The following NEDD9 variants were observed in gnomAD, a reference collection of about 807,000 sequenced individuals.
NEDD9 encodes the protein enhancer of filamentation 1.
NEDD9 carries 26 observed loss-of-function variants against 76.6 expected under a neutral mutation model. The ratio of observed to expected loss-of-function variants is 0.34; its 90% CI spans 0.25 to 0.47. NEDD9 has a LOEUF of 0.47. Among genes scored for constraint, NEDD9 ranks in the 20% least tolerant of loss-of-function variants. The pLI, the probability that NEDD9 is intolerant of heterozygous loss-of-function variation, is 1.00. For missense variants in NEDD9, 937 were observed against 1,058.5 expected (o/e 0.89, Z 1.59); for synonymous variants, 392 against 414.2 (o/e 0.95, Z 0.65).
chr6:11,285,161 A>G (rs1404779858), intron 3 of NEDD9, among the ~76,000 whole-genome samples: 1 of 152,194 alleles, frequency 6.6e-6, no homozygotes, highest in Non-Finnish European at 1.5e-5. Flanking sequence ...TGTTGCTGTA[A>G]GAAGCCTAAG....
At chr6:11,216,544 C>G (rs1758960412) in intron 1 of NEDD9, among the ~76,000 whole-genome samples, 1 of 152,222 alleles carries the variant, frequency 6.6e-6, no homozygotes, top group African/African-American at 2.4e-5. Flanking sequence ...TTAGCTCAGC[C>G]ACGCAGCATC....
rs1412593722 is a variant in NEDD9, at chr6:11,306,184, T to C, written c.-152-29A>G. On this transcript the variant is annotated intron_variant, in intron 2 of 3. Coordinates refer to the NEDD9 transcript ENST00000397378. The stretch of plus-strand genomic sequence containing the variant: ...AAAACAGGAGATAGAGATGGAAAGG[T>C]TGGTAAGATCTGAAAAAAATTGAGA... The C allele has an allele frequency of 5.4e-6, 4 of 735,514 alleles. No individual in the cohort carries two copies. The African/African-American group carries it at 7.0e-5, about 13-fold the overall frequency. 45.6% of individuals were successfully genotyped at this position (735,514 alleles called of 1,614,324 possible).
At chr6:11,253,489 C>T (rs915823581) in intron 3 of NEDD9, among the ~76,000 whole-genome samples, 4 of 152,244 alleles carry the variant, frequency 2.6e-5, no homozygotes, top group African/African-American at 9.6e-5. Flanking sequence ...TTTCCCTGCA[C>T]AACCCCGTGC....
chr6:11,221,291 G>A (rs939668072), intron 1 of NEDD9, among the ~76,000 whole-genome samples: 1 of 151,740 alleles, frequency 6.6e-6, no homozygotes, highest in African/African-American at 2.4e-5. Flanking sequence ...GCTGAGGCAG[G>A]AGAATTGCTT....
At chr6:11,265,932 CAG>C (rs144128351) in intron 3 of NEDD9, among the ~76,000 whole-genome samples, 3,173 of 150,966 alleles carry the variant, frequency 0.021, 108 homozygotes, top group African/African-American at 0.073. Context: ...AAGCCAGACA[CAG>C]AGAGTCAAAT....
intron 2 of NEDD9, among the ~76,000 whole-genome samples, chr6:11,310,371 G>A (rs1761330594): frequency 6.6e-6 from 1 of 151,956 alleles, no homozygotes; most frequent in South Asian, 2.1e-4. Flanking sequence ...TTGCCAATAT[G>A]CTCAACCTCC....
chr6:11,266,374 C>A (rs1760202204), intron 3 of NEDD9, among the ~76,000 whole-genome samples: 1 of 151,976 alleles, frequency 6.6e-6, no homozygotes. Flanking sequence ...GGGGATGCTG[C>A]CAAACGTATT....
At chr6:11,290,882 T>A (rs1760747916) in intron 3 of NEDD9, among the ~76,000 whole-genome samples, 1 of 152,144 alleles carries the variant, frequency 6.6e-6, no homozygotes, top group Non-Finnish European at 1.5e-5. Context: ...TCTCCCTGCT[T>A]TCTTCGGATT....
At chr6:11,233,032 A>G (rs1759528321), upstream of NEDD9, among the ~76,000 whole-genome samples, 1 of 151,950 alleles carries the variant, frequency 6.6e-6, no homozygotes, top group Non-Finnish European at 1.5e-5. Context: ...TCCTTCATAA[A>G]CCCATTTCGT....
chr6:11,224,712 G>A (rs1489184737), intron 1 of NEDD9, among the ~76,000 whole-genome samples: 5 of 152,164 alleles, frequency 3.3e-5, no homozygotes, highest in Non-Finnish European at 7.3e-5. Flanking sequence ...TCCACTTACT[G>A]CCATTTTCTG....
At chr6:11,278,236 C>T (rs1760455983) in intron 3 of NEDD9, among the ~76,000 whole-genome samples, 1 of 152,214 alleles carries the variant, frequency 6.6e-6, no homozygotes, top group Non-Finnish European at 1.5e-5. Context: ...CTCTGCCTCT[C>T]CTCCTTGTTC....
rs573424005 is a variant in NEDD9, at chr6:11,375,337, G to C, written c.-214+6802C>G. Among the ~76,000 whole-genome samples, 5 of 152,286 alleles carry C rather than the reference G, an allele frequency of 3.3e-5. No individual in the cohort carries two copies. The South Asian group carries it at 1.0e-3, about 32-fold the overall frequency. ...TACAGTTCCCAAACAGGCAGAAATT[G>C]ACTATATGCAAATTGTATATATACC... On this transcript the variant is annotated intron_variant, in intron 1 of 3. Transcript: ENST00000397378.
rs145388869 is a variant in NEDD9, at chr6:11,185,128, C to T, written c.*34G>A. 306 of 1,584,584 alleles carry T rather than the reference C, an allele frequency of 1.9e-4. 1 individual carries two copies. The Middle Eastern group carries it at 3.4e-3, about 18-fold the overall frequency. ...AGTATTTCCAGTTTTCCTTAGTAAC[C>T]GTTAACGCAGTCCCCTTCCTCTTTT... On this transcript the variant is annotated 3_prime_UTR_variant, in exon 7 of 7. Transcript: ENST00000379446.
chr6:11,350,297 G>A (rs569662903), intron 1 of NEDD9, among the ~76,000 whole-genome samples: 5 of 152,314 alleles, frequency 3.3e-5, no homozygotes, highest in South Asian at 2.1e-4. Context: ...CACTTAAGCC[G>A]TGGTTTTGAC....
At chr6:11,312,371 C>T (rs1391799791) in intron 2 of NEDD9, among the ~76,000 whole-genome samples, 1 of 152,128 alleles carries the variant, frequency 6.6e-6, no homozygotes, top group Non-Finnish European at 1.5e-5. Context: ...CTATCTTCCC[C>T]ATGGCTTTCA....
At chr6:11,285,311 A>C (rs1421974329) in intron 3 of NEDD9, among the ~76,000 whole-genome samples, 1 of 152,204 alleles carries the variant, frequency 6.6e-6, no homozygotes, top group East Asian at 1.9e-4. Context: ...TACACCAAAA[A>C]CCATAAAACA....
intron 4 of NEDD9, 56 bp from the exon 5 acceptor site, chr6:11,191,261 G>C: frequency 1.3e-6 from 2 of 1,505,054 alleles, no homozygotes; most frequent in South Asian, 2.6e-5. Flanking sequence ...ATGGGAACCT[G>C]TGGTCCCATG....
intron 1 of NEDD9, among the ~76,000 whole-genome samples, chr6:11,229,104 G>A (rs374865639): frequency 7.9e-5 from 12 of 152,280 alleles, no homozygotes; most frequent in African/African-American, 2.9e-4. Flanking sequence ...AGCGTTTCAC[G>A]GCACACAGGT....
chr6:11,296,673 T>TC (rs1341571261), intron 3 of NEDD9, among the ~76,000 whole-genome samples: 9 of 97,428 alleles, frequency 9.2e-5, no homozygotes, highest in African/African-American at 3.8e-4. Flanking sequence ...TCCTTTCCTT[T>TC]CCTTTCCCTT....
Sources: gnomAD v4.1 joint callset for allele counts (sites outside exome capture counted in the v4.1 genomes callset) on GRCh38, gnomAD v4.1.1 for gene constraint, MANE v1.5 for transcripts, NCBI Gene and HGNC (gene_info 2026-07-23, HGNC 2026-07-21) for gene names.